PXDNL: variants seen among roughly 807,000 people sequenced by gnomAD.
PXDNL encodes peroxidasin like.
In PXDNL, 145 loss-of-function variants were observed where a neutral mutation model predicts 150.8. The ratio of observed to expected loss-of-function variants is 0.96; its 90% CI spans 0.84 to 1.10. The LOEUF (loss-of-function observed/expected upper bound fraction) is 1.10. Among genes scored for constraint, PXDNL ranks in the 50% least tolerant of loss-of-function variants. The pLI is 0.00. For missense variants in PXDNL, 2,087 were observed against 1,873.9 expected (o/e 1.11, Z -2.10); for synonymous variants, 757 against 725.7 (o/e 1.04, Z -0.69).
At chr8:51,651,736 T>C (rs1023122934) in intron 2 of PXDNL, among the ~76,000 whole-genome samples, 1 of 152,196 alleles carries the variant, frequency 6.6e-6, no homozygotes, top group Non-Finnish European at 1.5e-5. Context: ...TCATCTTTTT[T>C]ATAAGCATGA....
chr8:51,538,433 A>T (rs114445071), intron 4 of PXDNL, among the ~76,000 whole-genome samples: 2,836 of 152,258 alleles, frequency 0.019, 37 homozygotes, highest in African/African-American at 0.035. Flanking sequence ...GAAATAGACA[A>T]TCTAATTCTA....
chr8:51,800,911 G>A (rs1025699472), intron 1 of PXDNL, among the ~76,000 whole-genome samples: 17 of 152,202 alleles, frequency 1.1e-4, no homozygotes, highest in Admixed American at 3.3e-4. Context: ...TGTAAAACAC[G>A]GGTGTTTGAA....
At chr8:51,530,000 C>T (rs1364853569) in intron 4 of PXDNL, among the ~76,000 whole-genome samples, 2 of 152,184 alleles carry the variant, frequency 1.3e-5, no homozygotes, top group African/African-American at 2.4e-5. Context: ...AGGGAGGCAA[C>T]TTCCTCAACT....
intron 17 of PXDNL, among the ~76,000 whole-genome samples, chr8:51,389,069 ACTATCTTGCAG>A (rs1807814111): frequency 6.6e-6 from 1 of 152,072 alleles, no homozygotes; most frequent in Admixed American, 6.6e-5. Flanking sequence ...CTCATTGCTG[ACTATCTTGCAG>A]CTACATATTT....
At chr8:51,344,755 T>C (rs1174601895) in intron 20 of PXDNL, among the ~76,000 whole-genome samples, 1 of 152,216 alleles carries the variant, frequency 6.6e-6, no homozygotes, top group Non-Finnish European at 1.5e-5. Context: ...TATATTAGTA[T>C]TCAGTGCTTT....
At chr8:51,772,200 C>G (rs2037303738) in intron 1 of PXDNL, among the ~76,000 whole-genome samples, 1 of 151,026 alleles carries the variant, frequency 6.6e-6, no homozygotes, top group Non-Finnish European at 1.5e-5. Flanking sequence ...CTCTCTCTCT[C>G]TCTGTCTCTG....
intron 4 of PXDNL, among the ~76,000 whole-genome samples, chr8:51,521,800 C>T (rs773447748): frequency 1.4e-4 from 21 of 151,974 alleles, no homozygotes; most frequent in Non-Finnish European, 2.2e-4. Context: ...TACAGAGGAA[C>T]AAGGATAAGA....
chr8:51,409,235 G>A lies in PXDNL; in HGVS notation c.2389C>T (p.His797Tyr). Residue 797 changes from histidine (H) to tyrosine (Y), a missense_variant, in exon 17 of 23, where the codon CAC (histidine) becomes TAC (tyrosine). Coordinates refer to ENST00000356297, the MANE Select transcript of PXDNL (RefSeq NM_144651.5). The part of the protein sequence containing the change: ...WARAAAVTPD[H>Y]SYTRMLMHWG... The stretch of plus-strand genomic sequence containing the variant: ...TGCATGAGCATGCGCGTGTAGCTGT[G>A]GTCGGGGGTGACGGCCGCCGCGCGC... 1 of 1,533,948 alleles carries A rather than the reference G, an allele frequency of 6.5e-7. No homozygotes were observed.
At chr8:51,597,433 G>T (rs1330732118) in intron 2 of PXDNL, among the ~76,000 whole-genome samples, 1 of 152,064 alleles carries the variant, frequency 6.6e-6, no homozygotes, top group Admixed American at 6.5e-5. Flanking sequence ...TTCCAATTCT[G>T]TGAAAAACTA....
chr8:51,760,731 T>C (rs1399438327), intron 1 of PXDNL, among the ~76,000 whole-genome samples: 1 of 152,052 alleles, frequency 6.6e-6, no homozygotes, highest in African/African-American at 2.4e-5. Flanking sequence ...GATTCCAAAG[T>C]AACTTTGAAA....
chr8:51,808,013 C>T (rs11786126), intron 1 of PXDNL, among the ~76,000 whole-genome samples: 104,606 of 152,174 alleles, frequency 0.69, 42,406 homozygotes, highest in Non-Finnish European at 0.9. Context: ...ATTTTGATAT[C>T]TGCATGCATA....
In PXDNL at chr8:51,405,040, C is replaced by A. The variant is rs533018868; in HGVS notation, c.3557+3027G>T. 2.0e-5 allele frequency among the ~76,000 whole-genome samples: 3 copies of A among 152,312 alleles called. No individual in the cohort carries two copies. The East Asian group carries it at 5.8e-4, about 30-fold the overall frequency. On this transcript the variant is annotated intron_variant, in intron 17 of 22. Transcript: ENST00000356297. The stretch of plus-strand genomic sequence containing the variant: ...GGACCCAGCGCACCCTCCGCAGCTG[C>A]TGGCCCGGGTGCTAAGCCCCTCACT...
At chr8:51,745,287 A>G (rs1285284657) in intron 1 of PXDNL, among the ~76,000 whole-genome samples, 1 of 152,182 alleles carries the variant, frequency 6.6e-6, no homozygotes, top group African/African-American at 2.4e-5. Context: ...CAAGATTAAG[A>G]TTCTAGCTTT....
chr8:51,364,260 T>A (rs1019430791), intron 19 of PXDNL, among the ~76,000 whole-genome samples: 3 of 152,232 alleles, frequency 2.0e-5, no homozygotes, highest in African/African-American at 7.2e-5. Flanking sequence ...ACATCAGAGT[T>A]GTCCTTTGCC....
intron 1 of PXDNL, among the ~76,000 whole-genome samples, chr8:51,685,048 A>G (rs1815843176): frequency 6.6e-6 from 1 of 152,216 alleles, no homozygotes; most frequent in Non-Finnish European, 1.5e-5. Context: ...GCAGGCACTC[A>G]GTGTTACTCA....
intron 1 of PXDNL, among the ~76,000 whole-genome samples, chr8:51,786,339 GC>G (rs1272191114): frequency 1.3e-5 from 2 of 152,080 alleles, no homozygotes; most frequent in African/African-American, 2.4e-5. Context: ...CTCCCTAGTA[GC>G]TGGGACTACA....
chr8:51,741,762 G>A (rs115440423), intron 1 of PXDNL, among the ~76,000 whole-genome samples: 32 of 152,228 alleles, frequency 2.1e-4, no homozygotes, highest in African/African-American at 5.8e-4. Flanking sequence ...TCAGTGATGC[G>A]GGTGAACTGA....
chr8:51,688,560 G>A (rs1427025776), intron 1 of PXDNL, among the ~76,000 whole-genome samples: 1 of 152,100 alleles, frequency 6.6e-6, no homozygotes, highest in Non-Finnish European at 1.5e-5. Flanking sequence ...GCAGAATCTT[G>A]GGTGATCCTG....
chr8:51,546,992 A>T, intron 4 of PXDNL, among the ~76,000 whole-genome samples: 1 of 152,150 alleles, frequency 6.6e-6, no homozygotes, highest in East Asian at 1.9e-4. Context: ...TGCCCGCAGC[A>T]AGCCCCACCA....
Sources: gnomAD v4.1 joint callset for allele counts (sites outside exome capture counted in the v4.1 genomes callset) on GRCh38, gnomAD v4.1.1 for gene constraint, MANE v1.5 for transcripts, NCBI Gene and HGNC (gene_info 2026-07-23, HGNC 2026-07-21) for gene names.